PPP1R9A: variants seen among roughly 807,000 people sequenced by gnomAD.
PPP1R9A encodes neurabin-1.
PPP1R9A carries 59 observed loss-of-function variants against 141.9 expected under a neutral mutation model. The ratio of observed to expected loss-of-function variants is 0.42; its 90% CI spans 0.34 to 0.52. The LOEUF is 0.52. Among genes scored for constraint, PPP1R9A ranks in the 20% least tolerant of loss-of-function variants. The probability of loss-of-function intolerance (pLI) is 0.10; values close to 1 mark genes in which losing one functional copy is unlikely to be tolerated. For synonymous variants in PPP1R9A, 500 were observed against 569.7 expected, an observed-to-expected ratio of 0.88 and a Z score of 1.74; for missense variants, 1,444 against 1,611.9, an observed-to-expected ratio of 0.90 and a Z score of 1.78.
intron 2 of PPP1R9A, among the ~76,000 whole-genome samples, chr7:94,972,115 T>A (rs1375118822): frequency 6.6e-6 from 1 of 152,252 alleles, no homozygotes; most frequent in Non-Finnish European, 1.5e-5. Context: ...GGCTGTGGGA[T>A]GTGAATAATA....
At chr7:94,929,993 T>C (rs536181604) in intron 2 of PPP1R9A, among the ~76,000 whole-genome samples, 1 of 152,332 alleles carries the variant, frequency 6.6e-6, no homozygotes, top group East Asian at 1.9e-4. Context: ...TAGTGCTTGG[T>C]TGATAACAGA....
At chr7:95,132,754 T>C (rs1222439396) in intron 4 of PPP1R9A, among the ~76,000 whole-genome samples, 1 of 152,142 alleles carries the variant, frequency 6.6e-6, no homozygotes, top group African/African-American at 2.4e-5. Flanking sequence ...CGCCACAGGA[T>C]CCACACTTAG....
At chr7:95,180,150 C>T (rs1342500744) in intron 5 of PPP1R9A, among the ~76,000 whole-genome samples, 1 of 152,138 alleles carries the variant, frequency 6.6e-6, no homozygotes, top group Non-Finnish European at 1.5e-5. Flanking sequence ...GTCACCAAAA[C>T]AGCATGGTAC....
chr7:95,211,843 C>A (rs1255040869), intron 7 of PPP1R9A, among the ~76,000 whole-genome samples: 1 of 152,038 alleles, frequency 6.6e-6, no homozygotes, highest in African/African-American at 2.4e-5. Context: ...TTGTAAAAGC[C>A]CGGCATGGCA....
intron 8 of PPP1R9A, 136 bp from the exon 9 acceptor site, chr7:95,247,337 T>G (rs1798246644): frequency 3.3e-6 from 2 of 613,110 alleles, no homozygotes; most frequent in Non-Finnish European, 5.7e-6. Flanking sequence ...GTAGACACTT[T>G]AATTTACAAC....
chr7:95,165,883 C>A lies in PPP1R9A; in HGVS notation c.1754+3912C>A, dbSNP rs949802563. ...GAAAATTGGGTCAGGCGCAGTGGCT[C>A]ATGCCTGGAATCCCATCATTTTGGG... On this transcript the variant is annotated intron_variant, in intron 5 of 19. Transcript: ENST00000433360. Among the ~76,000 whole-genome samples, 6 of 152,284 alleles carry A rather than the reference C, an allele frequency of 3.9e-5. No individual in the cohort carries two copies. In the East Asian group the frequency reaches 1.2e-3, roughly 29 times the overall value.
chr7:94,989,549 T>C (rs1474245646), intron 2 of PPP1R9A, among the ~76,000 whole-genome samples: 1 of 152,062 alleles, frequency 6.6e-6, no homozygotes, highest in Non-Finnish European at 1.5e-5. Flanking sequence ...AAGCTAGAAT[T>C]AGAAAACGTG....
chr7:95,247,121 C>T (rs1029562893), intron 8 of PPP1R9A, among the ~76,000 whole-genome samples: 1 of 152,118 alleles, frequency 6.6e-6, no homozygotes, highest in Non-Finnish European at 1.5e-5. Context: ...AGCTCACTTG[C>T]CTGTGTATGC....
intron 2 of PPP1R9A, among the ~76,000 whole-genome samples, chr7:95,090,255 A>G (rs1469155402): frequency 1.3e-5 from 2 of 151,910 alleles, no homozygotes; most frequent in Non-Finnish European, 2.9e-5. Flanking sequence ...AAAACGCCTG[A>G]TTTTATTTTG....
At chr7:94,921,123 G>T (rs1792744464) in intron 2 of PPP1R9A, among the ~76,000 whole-genome samples, 1 of 152,118 alleles carries the variant, frequency 6.6e-6, no homozygotes, top group Non-Finnish European at 1.5e-5. Flanking sequence ...AGAGGAGAGG[G>T]AAAAGCAGGT....
intron 7 of PPP1R9A, among the ~76,000 whole-genome samples, chr7:95,218,251 G>A (rs773347906): frequency 1.8e-4 from 27 of 152,154 alleles, no homozygotes; most frequent in Non-Finnish European, 3.5e-4. Flanking sequence ...GGAGCAGCTT[G>A]TTCAGTTTCC....
chr7:95,049,307 A>G (rs1434896849), intron 2 of PPP1R9A, among the ~76,000 whole-genome samples: 1 of 152,210 alleles, frequency 6.6e-6, no homozygotes, highest in East Asian at 1.9e-4. Context: ...TTTTACCTCC[A>G]GGGGATAAAC....
intron 12 of PPP1R9A, among the ~76,000 whole-genome samples, chr7:95,257,868 A>G (rs1799831792): frequency 6.6e-6 from 1 of 152,266 alleles, no homozygotes; most frequent in African/African-American, 2.4e-5. Context: ...ATGGCTGCAT[A>G]GTATTCCCTG....
chr7:95,026,859 T>G (rs1479562736), intron 2 of PPP1R9A, among the ~76,000 whole-genome samples: 1 of 152,158 alleles, frequency 6.6e-6, no homozygotes, highest in African/African-American at 2.4e-5. Flanking sequence ...CAGCTGGAAC[T>G]TCCCCTCTGC....
intron 12 of PPP1R9A, among the ~76,000 whole-genome samples, chr7:95,259,022 A>G (rs1471532664): frequency 2.0e-5 from 3 of 152,218 alleles, no homozygotes; most frequent in African/African-American, 7.2e-5. Context: ...TAGCTGCAGT[A>G]AAAAGTTAAT....
rs1314100252 is a variant in PPP1R9A, at chr7:95,001,152, C to CT, written c.1395+89645dup. ...AGGCTGATCTAGAATTCACATGTCTCTGGGGACCTGTATTGTTTGGATTTG... is the reference window on the plus strand; with the variant it reads ...AGGCTGATCTAGAATTCACATGTCTCTTGGGGACCTGTATTGTTTGGATTTG... On this transcript the variant is annotated intron_variant, in intron 2 of 19. Coordinates refer to ENST00000433360, the MANE Select transcript of PPP1R9A (RefSeq NM_001166160.2). 2.6e-5 allele frequency among the ~76,000 whole-genome samples: 4 copies of CT among 152,102 alleles called. No homozygotes were observed. In the East Asian group the frequency reaches 7.7e-4, roughly 29 times the overall value.
intron 3 of PPP1R9A, among the ~76,000 whole-genome samples, chr7:95,119,951 AT>A (rs1822235478): frequency 8.4e-6 from 1 of 119,596 alleles, no homozygotes; most frequent in African/African-American, 3.2e-5. Flanking sequence ...CAAATATACT[AT>A]CTTTTTTTTT....
intron 12 of PPP1R9A, among the ~76,000 whole-genome samples, chr7:95,262,779 G>T (rs73223919): frequency 6.6e-6 from 1 of 152,052 alleles, no homozygotes; most frequent in Non-Finnish European, 1.5e-5. Context: ...CTGAAAAAGG[G>T]ATTTCTTAAT....
At chr7:95,187,307 G>T (rs920299008) in intron 5 of PPP1R9A, among the ~76,000 whole-genome samples, 3 of 152,032 alleles carry the variant, frequency 2.0e-5, no homozygotes, top group African/African-American at 4.8e-5. Flanking sequence ...ATGCATAAAG[G>T]TGTTTATAGT....
Sources: gnomAD v4.1 joint callset for allele counts (sites outside exome capture counted in the v4.1 genomes callset) on GRCh38, gnomAD v4.1.1 for gene constraint, MANE v1.5 for transcripts, NCBI Gene and HGNC (gene_info 2026-07-23, HGNC 2026-07-21) for gene names.